PC: variants seen among roughly 807,000 people sequenced by gnomAD.
PC encodes the protein pyruvate carboxylase.
A neutral mutation model predicts 107.8 loss-of-function variants in PC; 46 were observed. The ratio of observed to expected loss-of-function variants is 0.43; its 90% CI spans 0.34 to 0.55. The LOEUF (loss-of-function observed/expected upper bound fraction) is 0.55. Ranked by LOEUF, PC falls within the 20% of genes least tolerant of loss-of-function variation. The pLI is 0.04. For missense variants in PC, 1,241 were observed against 1,643.1 expected, an observed-to-expected ratio of 0.76 and a Z score of 4.23; for synonymous variants, 662 against 684.7, an observed-to-expected ratio of 0.97 and a Z score of 0.52.
chr11:66,953,840 C>T (rs958163637), intron 2 of PC, among the ~76,000 whole-genome samples: 3 of 152,058 alleles, frequency 2.0e-5, no homozygotes, highest in Non-Finnish European at 2.9e-5. Context: ...TTACTCTGGG[C>T]GTTATTTCAC....
chr11:66,875,301 A>AC (rs1440380025), intron 3 of PC, among the ~76,000 whole-genome samples: 20 of 151,438 alleles, frequency 1.3e-4, no homozygotes, highest in African/African-American at 1.9e-4. Flanking sequence ...TCGTCGAGAG[A>AC]CCCCCCATAG....
At position 66,858,766 on chromosome 11, in the gene PC, C is replaced by A. The variant is rs1269339879; in HGVS notation, c.1368+5008G>T. 1 of 1,551,480 alleles carries A rather than the reference C, an allele frequency of 6.4e-7. No individual in the cohort carries two copies. Among genetic ancestry groups the A allele is most frequent in the African/African-American group, 1.4e-5 (1 of 73,392 alleles). ...AACGGGACCTTAGAGATTGGGGTGA[C>A]CGGCGCTGGGGACGCTGGGGGCTAC... On this transcript the variant is annotated intron_variant, in intron 12 of 22. Coordinates refer to ENST00000393960, the MANE Select transcript of PC (RefSeq NM_001040716.2). The surrounding 1 kb of genome is among the most constrained non-coding windows in gnomAD (Gnocchi z 5.9).
chr11:66,909,859 G>A (rs891865579), intron 3 of PC, among the ~76,000 whole-genome samples: 30 of 152,080 alleles, frequency 2.0e-4, no homozygotes, highest in Non-Finnish European at 2.6e-4. Flanking sequence ...GCCAGGACAC[G>A]GGCCATTGTA....
In PC at chr11:66,895,979, A is replaced by C. The variant is rs77765232; in HGVS notation, c.1-23820T>G. 9.2e-3 allele frequency among the ~76,000 whole-genome samples: 1,407 copies of C among 152,360 alleles called. 27 individuals are homozygous for C. Among genetic ancestry groups the C allele is most frequent in the African/African-American group, 0.031 (1,302 of 41,578 alleles). Reference sequence around the variant, plus strand: ...AAGAAAAAAAAGACAAAAGTATCAGAAATCAGAAAGGTTTTGGACTTCTTA... The same window carrying C: ...AAGAAAAAAAAGACAAAAGTATCAGCAATCAGAAAGGTTTTGGACTTCTTA... On this transcript the variant is annotated intron_variant, in intron 3 of 22. Coordinates refer to ENST00000393960, the MANE Select transcript of PC (RefSeq NM_001040716.2).
At position 66,866,548 on chromosome 11, in the gene PC, G is replaced by A. The variant is rs867893765; in HGVS notation, c.1023-199C>T. On this transcript the variant is annotated intron_variant, in intron 10 of 22. Coordinates refer to ENST00000393960, the MANE Select transcript of PC (RefSeq NM_001040716.2). This position sits in a 1 kb window ranked among gnomAD's most constrained non-coding sequence, Gnocchi z 5.4. The stretch of plus-strand genomic sequence containing the variant: ...CCCTGCCCTGCTCCCGCCGGGAGCC[G>A]ACTAAACTACACAGTGCCTGGCAGC... Among the ~76,000 whole-genome samples, 8 of 152,150 alleles carry A rather than the reference G, an allele frequency of 5.3e-5. No individual in the cohort carries two copies. In the East Asian group the frequency reaches 5.8e-4, roughly 11 times the overall value.
chr11:66,952,706 C>A (rs1353119019), intron 2 of PC, among the ~76,000 whole-genome samples: 1 of 152,156 alleles, frequency 6.6e-6, no homozygotes, highest in Non-Finnish European at 1.5e-5. Flanking sequence ...CCACGCCCAG[C>A]TAATTTGGTA....
At chr11:66,868,802 C>A in intron 10 of PC, 44 bp downstream of exon 10, 2 of 1,502,018 alleles carry the variant, frequency 1.3e-6, no homozygotes, top group Non-Finnish European at 1.9e-6. Context: ...TTATGCAAAT[C>A]CTAGAAGCCG....
At chr11:66,890,285 C>A (rs1020139698) in intron 3 of PC, among the ~76,000 whole-genome samples, 1 of 152,166 alleles carries the variant, frequency 6.6e-6, no homozygotes, top group Non-Finnish European at 1.5e-5. Context: ...CTTGATCTTG[C>A]ACTTTCTGGT....
intron 3 of PC, among the ~76,000 whole-genome samples, chr11:66,948,247 A>G (rs1156268467): frequency 6.6e-6 from 1 of 152,076 alleles, no homozygotes; most frequent in Non-Finnish European, 1.5e-5. Context: ...CAATACAAGC[A>G]ACAACATGGA....
intron 16 of PC, among the ~76,000 whole-genome samples, 177 bp from the exon 17 acceptor site, chr11:66,851,457 T>C (rs1945487763): frequency 6.6e-6 from 1 of 152,086 alleles, no homozygotes; most frequent in African/African-American, 2.4e-5. Flanking sequence ...GACCAGGCCC[T>C]GGAGGATCAG....
rs1472292165 is a variant in PC at position 66,945,423 on chromosome 11, G to GC, written c.-1+7006_-1+7007insG. On this transcript the variant is annotated intron_variant, in intron 3 of 22. Coordinates refer to ENST00000393960, the MANE Select transcript of PC (RefSeq NM_001040716.2). Reference sequence around the variant, plus strand: ...TTAACTGAATTCAAATGGTTTGGGGGGGCGGGTCGGAACTGCAGAGTTACA... The same window carrying GC: ...TTAACTGAATTCAAATGGTTTGGGGGCGGCGGGTCGGAACTGCAGAGTTACA... Among the ~76,000 whole-genome samples the GC allele has an allele frequency of 3.8e-4, 37 of 97,146 alleles. 10 individuals are homozygous for GC. The highest frequency in any genetic ancestry group is 6.9e-4 in the Non-Finnish European group (32 of 46,468). 63.7% of individuals were successfully genotyped at this position (97,146 alleles called of 152,430 possible). A position where few individuals can be genotyped will look rare whatever the true frequency, so the allele number is the denominator to read the frequency against.
rs1175801918 is a variant in PC at position 66,851,823 on chromosome 11, C to T, written c.1949G>A (p.Gly650Asp). The change falls in exon 16 of 23, where the codon GGC becomes GAC. Residue 650 changes from glycine (G) to aspartate (D), a missense_variant. Physicochemically the swap from Gly to Asp is moderately conservative, Grantham distance 94 (BLOSUM62 -1). Around this residue, in one of 2 missense-constraint regions of PC, gnomAD observed 1,143 missense variants for 1,551.9 expected, o/e 0.74. Coordinates refer to ENST00000393960, the MANE Select transcript of PC (RefSeq NM_001040716.2). ...QMLLRGANAV[G>D]YTNYPDNVVF... ...CACGTTGTCTGGGTAGTTGGTGTAGCCCACAGCATTGGCCCCCCGCAGCAG... is the reference window on the plus strand; with the variant it reads ...CACGTTGTCTGGGTAGTTGGTGTAGTCCACAGCATTGGCCCCCCGCAGCAG... 3 of 1,614,020 alleles carry T rather than the reference C, an allele frequency of 1.9e-6. No homozygotes were observed. In the African/African-American group the frequency reaches 4.0e-5, roughly 22 times the overall value.
chr11:66,897,725 TC>T (rs1294851576), intron 3 of PC, among the ~76,000 whole-genome samples: 1 of 152,134 alleles, frequency 6.6e-6, no homozygotes, highest in East Asian at 1.9e-4. Context: ...GGCCTGCTTC[TC>T]CCCAGGCCCT....
chr11:66,902,560 C>A (rs564425109), intron 3 of PC, among the ~76,000 whole-genome samples: 2 of 152,260 alleles, frequency 1.3e-5, no homozygotes, highest in African/African-American at 4.8e-5. Flanking sequence ...TCCTGCCCTG[C>A]CACCTGGGAG....
chr11:66,853,208 G>GAGGGC (rs761126120), intron 13 of PC, 31 bp downstream of exon 13: 47 of 1,608,578 alleles, frequency 2.9e-5, no homozygotes, highest in Non-Finnish European at 3.7e-5. Context: ...GAGGGGAGGG[G>GAGGGC]AGGGCAGGGC....
At chr11:66,923,080 C>A (rs1239135717) in intron 3 of PC, among the ~76,000 whole-genome samples, 1 of 152,116 alleles carries the variant, frequency 6.6e-6, no homozygotes, top group Non-Finnish European at 1.5e-5. Context: ...AGAAGTCGGG[C>A]TAGGCACCGG....
intron 3 of PC, among the ~76,000 whole-genome samples, chr11:66,944,727 C>A (rs997533152): frequency 8.5e-6 from 1 of 117,334 alleles, no homozygotes; most frequent in African/African-American, 3.1e-5. Flanking sequence ...ACTCTTGCAG[C>A]GCAAAAACCT....
chr11:66,916,277 G>C (rs1948460445), intron 3 of PC, among the ~76,000 whole-genome samples: 1 of 152,122 alleles, frequency 6.6e-6, no homozygotes. Flanking sequence ...GTAGAGATGA[G>C]TTCTTACTGT....
intron 3 of PC, among the ~76,000 whole-genome samples, chr11:66,931,860 A>G (rs1379432295): frequency 6.6e-6 from 1 of 152,084 alleles, no homozygotes; most frequent in African/African-American, 2.4e-5. Context: ...TACTAAAAAT[A>G]CAAAAAACAT....
Sources: gnomAD v4.1 joint callset for allele counts (sites outside exome capture counted in the v4.1 genomes callset) on GRCh38, gnomAD v4.1.1 for gene constraint, gnomAD v4.1.1 regional missense constraint, Gnocchi (gnomAD v3.1) non-coding constraint, MANE v1.5 for transcripts, NCBI Gene and HGNC (gene_info 2026-07-23, HGNC 2026-07-21) for gene names.